The following SCMH1 variants were observed in gnomAD, a reference collection of about 807,000 sequenced individuals.
The protein encoded by SCMH1 is polycomb protein SCMH1.
SCMH1 carries 37 observed loss-of-function variants against 70.8 expected under a neutral mutation model. The ratio of observed to expected loss-of-function variants is 0.52; its 90% CI spans 0.40 to 0.69. The LOEUF is 0.69. SCMH1 is among the 30% of genes least tolerant of loss of function. The probability of loss-of-function intolerance (pLI) is 0.00; values close to 1 mark genes in which losing one functional copy is unlikely to be tolerated. For synonymous variants in SCMH1, 292 were observed against 307.4 expected (o/e 0.95, Z 0.52); for missense variants, 607 against 827.3 (o/e 0.73, Z 3.27).
intron 13 of SCMH1, among the ~76,000 whole-genome samples, chr1:41,033,153 G>A (rs1644790726): frequency 6.6e-6 from 1 of 152,006 alleles, no homozygotes; most frequent in Non-Finnish European, 1.5e-5. Context: ...GTGTGGTGGT[G>A]CATGCCTGCA....
intron 8 of SCMH1, among the ~76,000 whole-genome samples, chr1:41,105,050 G>C (rs1667552497): frequency 6.6e-6 from 1 of 152,066 alleles, no homozygotes; most frequent in Admixed American, 6.5e-5. Flanking sequence ...CTGCCTCCTG[G>C]GTTCAAGTGA....
At chr1:41,028,542 T>A in intron 14 of SCMH1, 42 bp downstream of exon 15, 1 of 1,611,928 alleles carries the variant, frequency 6.2e-7, no homozygotes, top group Non-Finnish European at 8.5e-7. Flanking sequence ...GGTGAGGCTC[T>A]CCACACAGGT....
intron 2 of SCMH1, among the ~76,000 whole-genome samples, chr1:41,181,085 T>C (rs1338714225): frequency 1.3e-5 from 2 of 152,026 alleles, no homozygotes; most frequent in South Asian, 4.1e-4. Context: ...CTGACAAAAA[T>C]AAGAAATGGG....
chr1:41,214,553 C>T (rs1048169588), intron 1 of SCMH1, among the ~76,000 whole-genome samples: 1 of 152,062 alleles, frequency 6.6e-6, no homozygotes, highest in African/African-American at 2.4e-5. Flanking sequence ...ATTTAATAAA[C>T]ATTTACCTAA....
chr1:41,092,038 G>A (rs1261027022), intron 8 of SCMH1, among the ~76,000 whole-genome samples: 2 of 152,012 alleles, frequency 1.3e-5, no homozygotes, highest in African/African-American at 4.8e-5. Flanking sequence ...AGTTCATATG[G>A]AACCAAAAAA....
intron 10 of SCMH1, among the ~76,000 whole-genome samples, chr1:41,050,977 A>AAGAAGAGAGGAATCCAGAGAG (rs1553206751): frequency 6.6e-6 from 1 of 152,250 alleles, no homozygotes; most frequent in African/African-American, 2.4e-5. Context: ...TAAGAAGAGT[A>AAGAAGAGAGGAATCCAGAGAG]ATAAAAACAA....
chr1:41,139,938 T>C lies in SCMH1; in HGVS notation c.412+2940A>G, dbSNP rs1643893037. Among the ~76,000 whole-genome samples, 2 of 152,142 alleles carry C rather than the reference T, an allele frequency of 1.3e-5. 1 individual carries two copies. The highest frequency in any genetic ancestry group is 4.1e-4 in the South Asian group (2 of 4,834). On this transcript the variant is annotated intron_variant, in intron 6 of 14. Transcript: ENST00000337495. Reference sequence around the variant, plus strand: ...AAAAGCAATTCCACAAAATAAAACATAAAATGAAGCAAATGAACCTTAGTT... The same window carrying C: ...AAAAGCAATTCCACAAAATAAAACACAAAATGAAGCAAATGAACCTTAGTT...
chr1:41,076,661 C>T (rs1353221369), intron 8 of SCMH1, among the ~76,000 whole-genome samples: 1 of 152,062 alleles, frequency 6.6e-6, no homozygotes, highest in African/African-American at 2.4e-5. Context: ...ACAGAGCTCC[C>T]GAAAGAGGTA....
chr1:41,102,011 T>G (rs541522966), intron 8 of SCMH1, among the ~76,000 whole-genome samples: 13 of 152,348 alleles, frequency 8.5e-5, no homozygotes, highest in African/African-American at 2.9e-4. Flanking sequence ...TGAAGGACAC[T>G]AGGCCTCTGC....
chr1:41,057,603 G>T (rs1469555289), intron 10 of SCMH1, among the ~76,000 whole-genome samples: 4 of 152,042 alleles, frequency 2.6e-5, no homozygotes, highest in African/African-American at 9.7e-5. Context: ...CACAAAAAAG[G>T]TATACTCAAG....
intron 1 of SCMH1, among the ~76,000 whole-genome samples, chr1:41,198,512 T>A (rs1002056645): frequency 6.6e-6 from 1 of 152,204 alleles, no homozygotes; most frequent in South Asian, 2.1e-4. Flanking sequence ...AAAATTTGAA[T>A]TTTCAAGAAT....
At chr1:41,131,069 A>C (rs1674568711) in intron 6 of SCMH1, among the ~76,000 whole-genome samples, 1 of 152,152 alleles carries the variant, frequency 6.6e-6, no homozygotes, top group African/African-American at 2.4e-5. Context: ...ACTTGAAATT[A>C]ATTTTTGTAT....
chr1:41,075,384 G>A (rs1657966261), exon 9 of SCMH1: 4 of 1,613,974 alleles, frequency 2.5e-6, no homozygotes, highest in Non-Finnish European at 2.5e-6. Flanking sequence ...CAGTTTTGGT[G>A]CTGCTGTGGA....
At chr1:41,195,089 C>T (rs111878182) in intron 1 of SCMH1, among the ~76,000 whole-genome samples, 10 of 129,840 alleles carry the variant, frequency 7.7e-5, no homozygotes, top group Admixed American at 1.9e-4. Flanking sequence ...TAAGATCATA[C>T]CATTGCACTC....
At chr1:41,092,876 G>C (rs1664036309) in intron 8 of SCMH1, among the ~76,000 whole-genome samples, 1 of 152,132 alleles carries the variant, frequency 6.6e-6, no homozygotes, top group Non-Finnish European at 1.5e-5. Context: ...GGAAACAACA[G>C]GTGCTGGAGA....
chr1:41,236,447 A>G (rs1662400043), intron 1 of SCMH1, among the ~76,000 whole-genome samples: 3 of 152,182 alleles, frequency 2.0e-5, no homozygotes, highest in Non-Finnish European at 1.5e-5. Flanking sequence ...AGGAAACAGG[A>G]GTTTGAGAGA....
intron 1 of SCMH1, among the ~76,000 whole-genome samples, chr1:41,237,933 G>A (rs951032559): frequency 1.7e-4 from 26 of 152,122 alleles, no homozygotes; most frequent in Non-Finnish European, 3.1e-4. Context: ...AAGGAAGAAA[G>A]GAACTAATAT....
At chr1:41,140,425 T>C (rs771952539) in intron 6 of SCMH1, among the ~76,000 whole-genome samples, 11 of 152,092 alleles carry the variant, frequency 7.2e-5, no homozygotes, top group Non-Finnish European at 1.2e-4. Context: ...CCCACGTAGC[T>C]GGGACTACAG....
chr1:41,206,876 G>T (rs145471955), intron 1 of SCMH1, among the ~76,000 whole-genome samples: 3 of 152,236 alleles, frequency 2.0e-5, no homozygotes, highest in African/African-American at 7.2e-5. Flanking sequence ...AGCGAGTGGG[G>T]GCCAATATTC....
Sources: gnomAD v4.1 joint callset for allele counts (sites outside exome capture counted in the v4.1 genomes callset) on GRCh38, gnomAD v4.1.1 for gene constraint, MANE v1.5 for transcripts, NCBI Gene and HGNC (gene_info 2026-07-23, HGNC 2026-07-21) for gene names.